BRMS1L: variants seen among roughly 807,000 people sequenced by gnomAD.
The protein encoded by BRMS1L is BRMS1 like transcriptional repressor, also known as breast cancer metastasis-suppressor 1-like protein.
BRMS1L carries 23 observed loss-of-function variants against 50.3 expected under a neutral mutation model. That is an observed-to-expected ratio of 0.46 (90% CI 0.33 to 0.65). The LOEUF is 0.65. Among genes scored for constraint, BRMS1L ranks in the 30% least tolerant of loss-of-function variants. BRMS1L has a pLI of 0.02. For synonymous variants in BRMS1L, 114 were observed against 126.9 expected, an observed-to-expected ratio of 0.90 and a Z score of 0.69; for missense variants, 286 against 386.1, an observed-to-expected ratio of 0.74 and a Z score of 2.17.
chr14:35,858,406 A>G (rs970698117), intron 4 of BRMS1L, among the ~76,000 whole-genome samples: 2 of 152,140 alleles, frequency 1.3e-5, no homozygotes, highest in East Asian at 3.8e-4. Flanking sequence ...CTCTGCTAGC[A>G]TCTTATTTTC....
intron 4 of BRMS1L, among the ~76,000 whole-genome samples, chr14:35,841,442 G>C (rs1413984594): frequency 2.0e-5 from 3 of 152,034 alleles, no homozygotes; most frequent in Non-Finnish European, 4.4e-5. Context: ...GGGACTACAG[G>C]TGCCTGCCAC....
intron 4 of BRMS1L, among the ~76,000 whole-genome samples, chr14:35,852,930 C>CA (rs879861236): frequency 1.6e-3 from 225 of 138,296 alleles, no homozygotes; most frequent in East Asian, 2.3e-3. Context: ...GGCTCCGTCT[C>CA]AAAAAAAAAA....
At chr14:35,833,661 T>C (rs148435308) in intron 3 of BRMS1L, among the ~76,000 whole-genome samples, 9 of 152,296 alleles carry the variant, frequency 5.9e-5, no homozygotes, top group African/African-American at 1.7e-4. Context: ...TTCAGTCTTA[T>C]GTTTGTAAAT....
intron 2 of BRMS1L, among the ~76,000 whole-genome samples, chr14:35,832,505 C>CA (rs3058640): frequency 0.13 from 15,366 of 116,036 alleles, 1,980 homozygotes; most frequent in African/African-American, 0.34. Flanking sequence ...GACTCCGTCT[C>CA]AAAAAAAAAA....
At chr14:35,868,108 C>A in intron 9 of BRMS1L, 76 bp downstream of exon 9, 1 of 1,428,198 alleles carries the variant, frequency 7.0e-7, no homozygotes, top group Non-Finnish European at 9.4e-7. Flanking sequence ...ATATTTCCTG[C>A]CTCCATAGTG....
rs762760992 is a variant in BRMS1L at position 35,863,958 on chromosome 14, C to G, written c.622+5C>G. Reference sequence around the variant, plus strand: ...AGAAGCCAGTTGTTGTTTCAGATATCCTTTTCCAAATTTTCTGTTTTTTTT... The same window carrying G: ...AGAAGCCAGTTGTTGTTTCAGATATGCTTTTCCAAATTTTCTGTTTTTTTT... On this transcript the variant is annotated splice_donor_5th_base_variant and intron_variant, in intron 6 of 9. Transcript: ENST00000216807. 6.2e-7 allele frequency: 1 copy of G among 1,612,006 alleles called. No individual in the cohort carries two copies. The highest frequency in any genetic ancestry group is 1.7e-5 in the Admixed American group (1 of 59,592).
intron 4 of BRMS1L, among the ~76,000 whole-genome samples, chr14:35,850,322 C>T (rs752404219): frequency 9.9e-5 from 15 of 151,858 alleles, no homozygotes; most frequent in Non-Finnish European, 1.6e-4. Context: ...ATTCCCCTGC[C>T]TCAGCCTCCT....
chr14:35,848,277 G>A (rs2142049813), intron 4 of BRMS1L, among the ~76,000 whole-genome samples: 1 of 152,278 alleles, frequency 6.6e-6, no homozygotes, highest in South Asian at 2.1e-4. Flanking sequence ...CATTTGTTTT[G>A]TGATGAGAAC....
At chr14:35,858,943 A>ATT (rs199798027) in intron 4 of BRMS1L, among the ~76,000 whole-genome samples, 4 of 134,382 alleles carry the variant, frequency 3.0e-5, no homozygotes, top group Non-Finnish European at 1.6e-5. Context: ...TATCTTACCC[A>ATT]TTTTTTTTTT....
chr14:35,826,367 G>C lies in BRMS1L; in HGVS notation c.-150G>C, dbSNP rs1038538852. The C allele has an allele frequency of 6.7e-5, 80 of 1,194,776 alleles. No homozygotes were observed. In the African/African-American group the frequency reaches 8.6e-4, roughly 13 times the overall value. 74.0% of individuals were successfully genotyped at this position (1,194,776 alleles called of 1,614,324 possible). A position where few individuals can be genotyped will look rare whatever the true frequency, so the allele number is the denominator to read the frequency against. ...CTCCCATCGCAGAGCCTGCGGGTTA[G>C]GTTGTGAGGCCCGGGCCGGGGGCGG... On this transcript the variant is annotated 5_prime_UTR_variant, in exon 1 of 10. Coordinates refer to ENST00000216807, the MANE Select transcript of BRMS1L (RefSeq NM_032352.4).
chr14:35,867,616 C>T (rs1401877729), intron 8 of BRMS1L, among the ~76,000 whole-genome samples: 1 of 152,128 alleles, frequency 6.6e-6, no homozygotes. Context: ...ACTTAAAATT[C>T]ACACTAGTAA....
At chr14:35,844,870 TTTAA>T (rs1387007978) in intron 4 of BRMS1L, among the ~76,000 whole-genome samples, 2 of 152,184 alleles carry the variant, frequency 1.3e-5, no homozygotes, top group Non-Finnish European at 2.9e-5. Flanking sequence ...ACCTCTCTTT[TTTAA>T]TTAATTAATT....
intron 2 of BRMS1L, 104 bp from the exon 3 acceptor site, chr14:35,832,874 A>C: frequency 9.8e-7 from 1 of 1,016,786 alleles, no homozygotes; most frequent in Admixed American, 2.9e-5. Context: ...TTGATAGATT[A>C]TTAGAATATA....
rs2077842884 is a variant in BRMS1L, at chr14:35,826,433, G to T, written c.-84G>T. 2 of 1,539,042 alleles carry T rather than the reference G, an allele frequency of 1.3e-6. No individual in the cohort carries two copies. The highest frequency in any genetic ancestry group is 1.8e-6 in the Non-Finnish European group (2 of 1,142,544). ...GCGAGCAAGCTCGGTGGCTGGGTGG[G>T]TTGGGGCGTTCCGCGCGCCCTTCAT... On this transcript the variant is annotated 5_prime_UTR_variant, in exon 1 of 10. Coordinates refer to ENST00000216807, the MANE Select transcript of BRMS1L (RefSeq NM_032352.4).
intron 4 of BRMS1L, among the ~76,000 whole-genome samples, chr14:35,853,018 A>ATCTATCTATCTATCTATCTATC (rs1425702944): frequency 2.6e-4 from 38 of 146,772 alleles, no homozygotes; most frequent in East Asian, 5.9e-4. Context: ...ATCTATCTAT[A>ATCTATCTATCTATCTATCTATC]TATAGAGAGA....
chr14:35,832,351 A>G (rs74876985), intron 2 of BRMS1L, among the ~76,000 whole-genome samples: 1 of 110,524 alleles, frequency 9.0e-6, no homozygotes, highest in African/African-American at 9.0e-5. Context: ...AAAAAATACA[A>G]AAAAAAAAAA....
At chr14:35,865,243 A>G (rs1239071063) in intron 7 of BRMS1L, among the ~76,000 whole-genome samples, 1 of 152,238 alleles carries the variant, frequency 6.6e-6, no homozygotes, top group Non-Finnish European at 1.5e-5. Context: ...TTTATGGAAA[A>G]GTCCAAAAAA....
chr14:35,833,556 T>C (rs1303359157), intron 3 of BRMS1L, among the ~76,000 whole-genome samples: 1 of 152,134 alleles, frequency 6.6e-6, no homozygotes, highest in Admixed American at 6.5e-5. Flanking sequence ...TGCCTTGAAC[T>C]AGATGATTTA....
At chr14:35,843,147 A>C (rs1410603070) in intron 4 of BRMS1L, among the ~76,000 whole-genome samples, 8 of 152,146 alleles carry the variant, frequency 5.3e-5, no homozygotes, top group Non-Finnish European at 1.2e-4. Context: ...TGGACGAGTT[A>C]GTTATTACCC....
Sources: allele counts gnomAD v4.1 joint callset (sites outside exome capture counted in the v4.1 genomes callset), GRCh38; gene constraint gnomAD v4.1.1; transcripts MANE v1.5; gene names NCBI Gene and HGNC (gene_info 2026-07-23, HGNC 2026-07-21).